HCN1: variants seen among roughly 807,000 people sequenced by gnomAD.
HCN1 encodes the protein potassium/sodium hyperpolarization-activated cyclic nucleotide-gated channel 1.
HCN1 carries 13 observed loss-of-function variants against 78.9 expected under a neutral mutation model. That is an observed-to-expected ratio of 0.16 (90% CI 0.11 to 0.26). HCN1 has a LOEUF of 0.26. Among genes scored for constraint, HCN1 ranks in the 10% least tolerant of loss-of-function variants. HCN1 has a pLI of 1.00. For synonymous variants in HCN1, 552 were observed against 455.5 expected (o/e 1.21, Z -2.70); for missense variants, 810 against 1,154.3 (o/e 0.70, Z 4.32).
chr5:45,656,433 A>C (rs1745765617), intron 1 of HCN1, among the ~76,000 whole-genome samples: 1 of 152,212 alleles, frequency 6.6e-6, no homozygotes, highest in Admixed American at 6.5e-5. Flanking sequence ...AGAGTGATCA[A>C]GTCTTCTGTG....
At chr5:45,372,407 A>G (rs1747418360) in intron 4 of HCN1, among the ~76,000 whole-genome samples, 1 of 119,354 alleles carries the variant, frequency 8.4e-6, no homozygotes, top group Non-Finnish European at 1.6e-5. Context: ...TATAAAATAT[A>G]ATTATATAAA....
At chr5:45,278,442 C>T (rs775756412) in intron 6 of HCN1, among the ~76,000 whole-genome samples, 3 of 152,050 alleles carry the variant, frequency 2.0e-5, no homozygotes, top group Non-Finnish European at 4.4e-5. Context: ...TACCACTGCC[C>T]AATCAAGAAA....
intron 3 of HCN1, among the ~76,000 whole-genome samples, chr5:45,405,024 T>G (rs901981565): frequency 6.6e-6 from 1 of 152,098 alleles, no homozygotes; most frequent in Non-Finnish European, 1.5e-5. Context: ...ACAAACCAAC[T>G]GCTAAAATAT....
At chr5:45,308,410 G>T (rs2111912360) in intron 5 of HCN1, among the ~76,000 whole-genome samples, 1 of 152,178 alleles carries the variant, frequency 6.6e-6, no homozygotes, top group South Asian at 2.1e-4. Flanking sequence ...GCTCTTCATA[G>T]TTAAGAAAAT....
At chr5:45,621,645 C>A (rs570013065) in intron 2 of HCN1, among the ~76,000 whole-genome samples, 1 of 152,114 alleles carries the variant, frequency 6.6e-6, no homozygotes, top group Non-Finnish European at 1.5e-5. Flanking sequence ...AGAACTAGGT[C>A]TATATGACTA....
intron 2 of HCN1, among the ~76,000 whole-genome samples, chr5:45,528,968 A>G (rs1742790033): frequency 6.6e-6 from 1 of 152,004 alleles, no homozygotes; most frequent in Non-Finnish European, 1.5e-5. Context: ...ATAGAGACAA[A>G]TGTGGCAAGA....
intron 6 of HCN1, among the ~76,000 whole-genome samples, chr5:45,289,117 A>G (rs1745323537): frequency 6.6e-6 from 1 of 152,062 alleles, no homozygotes; most frequent in African/African-American, 2.4e-5. Context: ...ATACCTCACA[A>G]TGATAAAAAG....
chr5:45,293,981 A>G (rs1248340340), intron 6 of HCN1, among the ~76,000 whole-genome samples: 2 of 152,012 alleles, frequency 1.3e-5, no homozygotes, highest in South Asian at 2.1e-4. Flanking sequence ...AAAAAACTCC[A>G]TAAGGAGATT....
chr5:45,366,765 T>C (rs1022408315), intron 4 of HCN1, among the ~76,000 whole-genome samples: 5 of 151,812 alleles, frequency 3.3e-5, no homozygotes, highest in Admixed American at 2.0e-4. Flanking sequence ...TTAACTTTTA[T>C]CTTTGTATTT....
intron 6 of HCN1, among the ~76,000 whole-genome samples, chr5:45,267,461 T>A (rs1231591738): frequency 3.5e-4 from 53 of 150,176 alleles, no homozygotes; most frequent in Middle Eastern, 6.8e-3. Context: ...TTTGTTTTGT[T>A]TTAAAAAAAA....
intron 2 of HCN1, among the ~76,000 whole-genome samples, chr5:45,594,379 T>G (rs1462870760): frequency 6.6e-6 from 1 of 152,106 alleles, no homozygotes; most frequent in Non-Finnish European, 1.5e-5. Context: ...GCTAGTGAAA[T>G]TACCCACTGA....
chr5:45,548,486 G>A (rs555985800), intron 2 of HCN1, among the ~76,000 whole-genome samples: 2 of 151,944 alleles, frequency 1.3e-5, no homozygotes, highest in East Asian at 3.9e-4. Flanking sequence ...GTACTCACGG[G>A]ACATATCTCG....
At chr5:45,430,645 C>A (rs539842137) in intron 3 of HCN1, among the ~76,000 whole-genome samples, 88 of 152,042 alleles carry the variant, frequency 5.8e-4, no homozygotes, top group African/African-American at 2.0e-3. Flanking sequence ...TGTGTAGTAT[C>A]CCATGGTGTT....
intron 2 of HCN1, among the ~76,000 whole-genome samples, chr5:45,632,918 A>T (rs2112013760): frequency 6.6e-6 from 1 of 152,182 alleles, no homozygotes. Context: ...TGTTTTCAGA[A>T]CTACAGGATA....
chr5:45,613,503 T>C (rs982325942), intron 2 of HCN1, among the ~76,000 whole-genome samples: 1 of 152,010 alleles, frequency 6.6e-6, no homozygotes, highest in African/African-American at 2.4e-5. Flanking sequence ...GGAACACTTT[T>C]ACACTGTTGG....
Position 45,353,176 on chromosome 5 carries a change from T to A in HCN1, c.1301A>T (p.Tyr434Phe). Reference protein sequence around the residue: ...PADMRQKIHDYYEHRYQGKIF... With the variant: ...PADMRQKIHDFYEHRYQGKIF... ...TTTGCCTTGGTATCTGTGTTCATAG[T>A]AATCATGTATCTTCTGACGCATATC... Residue 434 changes from tyrosine (Y) to phenylalanine (F), a missense_variant, in exon 5 of 8, where the codon TAC becomes TTC. Tyr to Phe is a conservative substitution (Grantham distance 22). This residue lies in a region of HCN1 where 100 missense variants were observed against 126.8 expected (regional missense o/e 0.79). Coordinates refer to ENST00000303230, the MANE Select transcript of HCN1 (RefSeq NM_021072.4). The A allele has an allele frequency of 6.2e-7, 1 of 1,608,790 alleles. No individual in the cohort carries two copies. Among genetic ancestry groups the A allele is most frequent in the Non-Finnish European group, 8.5e-7 (1 of 1,175,640 alleles).
At chr5:45,409,564 C>T (rs1447674101) in intron 3 of HCN1, among the ~76,000 whole-genome samples, 1 of 151,988 alleles carries the variant, frequency 6.6e-6, no homozygotes, top group African/African-American at 2.4e-5. Flanking sequence ...TTACCCTTAA[C>T]ACTTAACATG....
At chr5:45,692,280 C>T (rs1479295352) in intron 1 of HCN1, among the ~76,000 whole-genome samples, 1 of 152,056 alleles carries the variant, frequency 6.6e-6, no homozygotes, top group African/African-American at 2.4e-5. Flanking sequence ...ACTTTTAAAC[C>T]TTAGTAAAAT....
At chr5:45,337,191 C>T (rs1397091987) in intron 5 of HCN1, among the ~76,000 whole-genome samples, 1 of 151,992 alleles carries the variant, frequency 6.6e-6, no homozygotes, top group African/African-American at 2.4e-5. Context: ...AATGCATAAA[C>T]ACGGAGAACT....
Sources: allele counts gnomAD v4.1 joint callset (sites outside exome capture counted in the v4.1 genomes callset), GRCh38; gene constraint gnomAD v4.1.1; regional missense constraint gnomAD v4.1.1; transcripts MANE v1.5; gene names NCBI Gene and HGNC (gene_info 2026-07-23, HGNC 2026-07-21).